SCN11A: variants seen among roughly 807,000 people sequenced by gnomAD.
SCN11A encodes the protein sodium channel protein type 11 subunit alpha.
In SCN11A, 122 loss-of-function variants were observed where a neutral mutation model predicts 162.2. The observed-to-expected ratio is 0.75, with a 90% CI of 0.65 to 0.87. The LOEUF is 0.87. Among genes scored for constraint, SCN11A ranks in the 40% least tolerant of loss-of-function variants. SCN11A has a pLI of 0.00. For synonymous variants in SCN11A, 758 were observed against 751.5 expected, an observed-to-expected ratio of 1.01 and a Z score of -0.14; for missense variants, 2,015 against 2,181.6, an observed-to-expected ratio of 0.92 and a Z score of 1.52.
chr3:38,968,232 C>A (rs1478341839), intron 2 of SCN11A, among the ~76,000 whole-genome samples: 1 of 152,180 alleles, frequency 6.6e-6, no homozygotes, highest in Non-Finnish European at 1.5e-5. Flanking sequence ...AGAAAATGTT[C>A]ACTCTCAACC....
At chr3:39,010,657 C>A (rs926333049) in intron 2 of SCN11A, among the ~76,000 whole-genome samples, 1 of 152,138 alleles carries the variant, frequency 6.6e-6, no homozygotes, top group East Asian at 1.9e-4. Context: ...GGATTACAGG[C>A]GTGAGCCACC....
rs1378126936 is a variant in SCN11A at position 38,946,899 on chromosome 3, C to A, written c.276G>T (p.Met92Ile). 5 of 1,596,480 alleles carry A rather than the reference C, an allele frequency of 3.1e-6. No individual in the cohort carries two copies. The highest frequency in any genetic ancestry group is 4.3e-6 in the Non-Finnish European group (5 of 1,170,844). Residue 92 changes from methionine to isoleucine, a missense_variant, in exon 6 of 30, where the codon ATG (methionine) becomes ATT (isoleucine). By Grantham distance (10) the Met-to-Ile change is conservative (BLOSUM62 1). Transcript: ENST00000302328. The part of the protein sequence containing the change: ...DPFYRNHKTF[M>I]VLNRKRTIYR... The stretch of plus-strand genomic sequence containing the variant: ...AGATTGTCCTCTTTCTGTTTAACAC[C>A]ATAAATGTCTGCAAAACAAAAAAAA...
In SCN11A at chr3:38,905,296, C is replaced by A. The variant is rs373827019; in HGVS notation, c.1499G>T (p.Arg500Leu). ...GTCCAGTGATAGATTCTGGGACAGT[C>A]GTTTGGTTTGCTCTAGGAGCTGTGG... ...KKPQLLEQTKRLSQNLSLDHF... is the reference protein window; with the variant it reads ...KKPQLLEQTKLLSQNLSLDHF... Residue 500 changes from arginine (R) to leucine (L), a missense_variant, in exon 15 of 30, where the codon CGA (arginine) becomes CTA (leucine). By Grantham distance (102) the Arg-to-Leu change is moderately radical. Coordinates refer to ENST00000302328, the MANE Select transcript of SCN11A (RefSeq NM_001349253.2). 6.8e-6 allele frequency: 11 copies of A among 1,613,940 alleles called. No individual in the cohort carries two copies. The South Asian group carries it at 1.2e-4, about 18-fold the overall frequency.
At chr3:38,989,838 C>T (rs184280799) in intron 2 of SCN11A, among the ~76,000 whole-genome samples, 1 of 151,892 alleles carries the variant, frequency 6.6e-6, no homozygotes, top group African/African-American at 2.4e-5. Flanking sequence ...AGGCCCCCTA[C>T]AATCCGTTCC....
intron 2 of SCN11A, among the ~76,000 whole-genome samples, chr3:38,967,658 C>G (rs146319760): frequency 1.3e-3 from 192 of 152,314 alleles, no homozygotes; most frequent in African/African-American, 4.4e-3. Context: ...TGCAAGGGAA[C>G]TGTCCACCAC....
At chr3:38,978,275 TTATTTA>T (rs754146007) in intron 2 of SCN11A, among the ~76,000 whole-genome samples, 72 of 152,214 alleles carry the variant, frequency 4.7e-4, no homozygotes, top group Non-Finnish European at 9.4e-4. Flanking sequence ...CTTACTATTT[TTATTTA>T]TATCAAGTCT....
rs182578315 is a variant in SCN11A at position 38,872,518 on chromosome 3, G to C, written c.3394-224C>G. Among the ~76,000 whole-genome samples the C allele has an allele frequency of 9.5e-4, 144 of 152,272 alleles. 1 individual carries two copies. Among genetic ancestry groups the C allele is most frequent in the African/African-American group, 2.8e-3 (115 of 41,570 alleles). On this transcript the variant is annotated intron_variant, in intron 23 of 29. Transcript: ENST00000302328. ...AATCTGGGGTGCTGAATTGGATCCT[G>C]GATTGGAGTGGGGGTAGGAGGTGGA... is the stretch of plus-strand genomic sequence containing the variant.
intron 7 of SCN11A, among the ~76,000 whole-genome samples, chr3:38,927,740 G>C (rs1019313036): frequency 3.9e-5 from 6 of 152,148 alleles, no homozygotes; most frequent in Non-Finnish European, 7.3e-5. Flanking sequence ...GAAGCGAAGG[G>C]GAAAGCCCCT....
intron 2 of SCN11A, among the ~76,000 whole-genome samples, chr3:39,011,050 T>C (rs2031117407): frequency 6.6e-6 from 1 of 152,188 alleles, no homozygotes; most frequent in Non-Finnish European, 1.5e-5. Flanking sequence ...TGGCACAGCA[T>C]AGCCAAACAT....
intron 23 of SCN11A, among the ~76,000 whole-genome samples, chr3:38,879,688 G>A (rs1448169496): frequency 6.6e-6 from 1 of 152,194 alleles, no homozygotes; most frequent in East Asian, 1.9e-4. Flanking sequence ...TGCTTATGGA[G>A]AGAAGTGAAT....
chr3:38,894,629 C>A lies in SCN11A; in HGVS notation c.2739G>T (p.Trp913Cys), dbSNP rs751964522. 1.2e-6 allele frequency: 2 copies of A among 1,614,154 alleles called. No homozygotes were observed. Among genetic ancestry groups the A allele is most frequent in the Non-Finnish European group, 1.7e-6 (2 of 1,180,004 alleles). The change falls in exon 19 of 30, where the codon TGG (tryptophan) becomes TGT (cysteine). Residue 913 changes from tryptophan (W) to cysteine (C), a missense_variant. By Grantham distance (215) the Trp-to-Cys change is radical. Coordinates refer to ENST00000302328, the MANE Select transcript of SCN11A (RefSeq NM_001349253.2). Reference sequence around the variant, plus strand: ...CCTCCGCAAGTGGTGCCAACCAAGTCCAATCATGCCTGACGCCCAGGGTCT... The same window carrying A: ...CCTCCGCAAGTGGTGCCAACCAAGTACAATCATGCCTGACGCCCAGGGTCT... ...VPKTLGVRHD[W>C]TWLAPLAEEE...
rs2065116129 is a variant in SCN11A at position 38,870,947 on chromosome 3, G to A, written c.3760-203C>T. On this transcript the variant is annotated intron_variant, in intron 25 of 29. Transcript: ENST00000302328. ...TGGATTTTTTTCTTCTTCTTCATTT[G>A]TACAAGATACAAAGTTTAAAAACAA... Among the ~76,000 whole-genome samples the A allele has an allele frequency of 2.6e-5, 4 of 152,116 alleles. No homozygotes were observed. The South Asian group carries it at 8.3e-4, about 32-fold the overall frequency.
intron 28 of SCN11A, among the ~76,000 whole-genome samples, chr3:38,853,493 A>T (rs1374976146): frequency 6.6e-6 from 1 of 152,206 alleles, no homozygotes; most frequent in East Asian, 1.9e-4. Flanking sequence ...CACTATATAA[A>T]AGATAAATTC....
At chr3:38,988,902 AAG>A (rs774644985) in intron 2 of SCN11A, among the ~76,000 whole-genome samples, 34 of 152,202 alleles carry the variant, frequency 2.2e-4, no homozygotes, top group Non-Finnish European at 3.1e-4. Flanking sequence ...AGGAGAATAA[AAG>A]AATAAGGACA....
At chr3:38,848,382 T>C (rs2064711843) in intron 29 of SCN11A, among the ~76,000 whole-genome samples, 1 of 152,092 alleles carries the variant, frequency 6.6e-6, no homozygotes. Flanking sequence ...TTGAGAGTCT[T>C]CTAGGGTTGT....
intron 2 of SCN11A, among the ~76,000 whole-genome samples, chr3:39,015,890 C>T (rs1202967906): frequency 6.6e-6 from 1 of 152,152 alleles, no homozygotes; most frequent in Non-Finnish European, 1.5e-5. Context: ...ACACTCACCA[C>T]CATGCCCGGC....
At chr3:38,991,867 G>A (rs749969453) in intron 2 of SCN11A, among the ~76,000 whole-genome samples, 1 of 152,080 alleles carries the variant, frequency 6.6e-6, no homozygotes, top group Non-Finnish European at 1.5e-5. Flanking sequence ...GGAGTGCAGT[G>A]GTGTGATCTT....
chr3:38,866,126 A>G (rs1448243384), intron 27 of SCN11A, among the ~76,000 whole-genome samples: 2 of 152,192 alleles, frequency 1.3e-5, no homozygotes, highest in Non-Finnish European at 2.9e-5. Flanking sequence ...AAAACAACCT[A>G]TAAATGTCCA....
intron 2 of SCN11A, among the ~76,000 whole-genome samples, chr3:38,988,483 CTCTT>C (rs1415836494): frequency 4.6e-5 from 7 of 152,140 alleles, no homozygotes; most frequent in African/African-American, 7.2e-5. Flanking sequence ...ACCTTGCAGT[CTCTT>C]TCTGTCTCAG....
Sources: allele counts gnomAD v4.1 joint callset (sites outside exome capture counted in the v4.1 genomes callset), GRCh38; gene constraint gnomAD v4.1.1; transcripts MANE v1.5; gene names NCBI Gene and HGNC (gene_info 2026-07-23, HGNC 2026-07-21).